The following TFR2 variants were observed in gnomAD, a reference collection of about 807,000 sequenced individuals.
TFR2 encodes the protein transferrin receptor 2, also known as transferrin receptor protein 2.
A neutral mutation model predicts 91.9 loss-of-function variants in TFR2; 64 were observed. The ratio of observed to expected loss-of-function variants is 0.70; its 90% CI spans 0.57 to 0.86. TFR2 has a LOEUF of 0.86. TFR2 is among the 40% of genes least tolerant of loss of function. The pLI is 0.00. For missense variants in TFR2, 950 were observed against 1,080.5 expected (o/e 0.88, Z 1.69); for synonymous variants, 454 against 459.6 (o/e 0.99, Z 0.15).
intron 6 of TFR2, among the ~76,000 whole-genome samples, chr7:100,632,447 TCCCAG>T (rs1430265625): frequency 5.9e-5 from 9 of 151,812 alleles, no homozygotes; most frequent in African/African-American, 2.2e-4. Context: ...CCCAATTTGT[TCCCAG>T]CCAACATTTT....
intron 8 of TFR2, among the ~76,000 whole-genome samples, 187 bp from the exon 9 acceptor site, chr7:100,631,239 C>T (rs1413923434): frequency 6.6e-6 from 1 of 151,146 alleles, no homozygotes; most frequent in East Asian, 1.9e-4. Flanking sequence ...GGTGTGCAAT[C>T]CAGTGGGAAC....
intron 2 of TFR2, 27 bp from the exon 3 acceptor site, chr7:100,640,899 C>G (rs1483763787): frequency 1.9e-6 from 3 of 1,613,906 alleles, no homozygotes; most frequent in Non-Finnish European, 2.5e-6. Flanking sequence ...TGGGGATTCT[C>G]TTTATGCCCA....
chr7:100,639,637 T>C (rs547399965), intron 3 of TFR2, among the ~76,000 whole-genome samples: 12 of 151,172 alleles, frequency 7.9e-5, no homozygotes, highest in Non-Finnish European at 1.5e-4. Flanking sequence ...CATCTCCTAC[T>C]ATCTGTAGCT....
chr7:100,629,213 C>A, intron 10 of TFR2, 40 bp downstream of exon 10: 2 of 1,611,974 alleles, frequency 1.2e-6, no homozygotes, highest in Non-Finnish European at 1.7e-6. Flanking sequence ...ACAGGCCCAC[C>A]GCTGCCTAGC....
chr7:100,631,180 G>A (rs1490027512), intron 8 of TFR2, 128 bp from the exon 9 acceptor site: 3 of 1,120,528 alleles, frequency 2.7e-6, no homozygotes, highest in Non-Finnish European at 3.7e-6. Context: ...ACGCTGCCTG[G>A]GTAGGGCAGT....
chr7:100,626,669 A>G, intron 17 of TFR2, 94 bp downstream of exon 17: 1 of 1,508,446 alleles, frequency 6.6e-7, no homozygotes, highest in Non-Finnish European at 8.8e-7. Flanking sequence ...AGGCGGGGAG[A>G]GAGAGGAGCG....
chr7:100,628,384 C>A, intron 10 of TFR2, 78 bp from the exon 11 acceptor site: 1 of 1,371,510 alleles, frequency 7.3e-7, no homozygotes, highest in Non-Finnish European at 1.0e-6. Flanking sequence ...CTGTCCTGGT[C>A]CCCCAGGGTC....
intron 9 of TFR2, 54 bp from the exon 10 acceptor site, chr7:100,629,426 G>A (rs556009276): frequency 3.1e-6 from 5 of 1,609,876 alleles, no homozygotes; most frequent in Admixed American, 3.3e-5. Flanking sequence ...GCACCCTGGG[G>A]GCATCCTCCA....
intron 17 of TFR2, among the ~76,000 whole-genome samples, chr7:100,621,498 C>A (rs1022686708): frequency 6.6e-6 from 1 of 152,224 alleles, no homozygotes; most frequent in South Asian, 2.1e-4. Flanking sequence ...AAGTGATCCG[C>A]CCGCCTTGGC....
intron 6 of TFR2, chr7:100,632,759 T>TTTGG: frequency 3.6e-6 from 1 of 281,008 alleles, no homozygotes; most frequent in Non-Finnish European, 6.3e-6. Flanking sequence ...TTTTTTTTTT[T>TTTGG]AGTAGAGAGG....
intron 16 of TFR2, 72 bp from the exon 17 acceptor site, chr7:100,626,975 C>A: frequency 4.0e-6 from 6 of 1,492,626 alleles, no homozygotes; most frequent in Non-Finnish European, 3.6e-6. Flanking sequence ...GGACAAGGAC[C>A]CCCGCCTAGC....
intron 17 of TFR2, among the ~76,000 whole-genome samples, chr7:100,625,204 C>T (rs1021245594): frequency 4.0e-5 from 6 of 151,764 alleles, no homozygotes; most frequent in African/African-American, 1.2e-4. Flanking sequence ...GGATTACAGG[C>T]GTGTGCCACC....
At chr7:100,640,218 T>G (rs895246095) in intron 3 of TFR2, 1 of 163,372 alleles carries the variant, frequency 6.1e-6, no homozygotes, top group African/African-American at 2.4e-5. Flanking sequence ...TAACTGGGAC[T>G]ACAGGCACTC....
At chr7:100,640,939 C>T in intron 2 of TFR2, 37 bp downstream of exon 2, 2 of 1,613,592 alleles carry the variant, frequency 1.2e-6, no homozygotes, top group Non-Finnish European at 1.7e-6. Context: ...TCCCCCAGCC[C>T]AAGCCCTTCA....
At chr7:100,633,766 T>G in intron 3 of TFR2, 1 of 762,838 alleles carries the variant, frequency 1.3e-6, no homozygotes, top group Non-Finnish European at 1.9e-6. Flanking sequence ...TGGAGTGCAG[T>G]GGACCAATCT....
chr7:100,626,371 G>T, intron 17 of TFR2: 1 of 817,006 alleles, frequency 1.2e-6, no homozygotes, highest in Non-Finnish European at 1.5e-6. Flanking sequence ...TTAGCCTTCT[G>T]CACTTCCCAG....
At chr7:100,628,366 G>T in intron 10 of TFR2, 60 bp from the exon 11 acceptor site, 1 of 1,510,748 alleles carries the variant, frequency 6.6e-7, no homozygotes, top group Non-Finnish European at 9.2e-7. Flanking sequence ...CCCTCCCCTT[G>T]TCTTCTTCTG....
chr7:100,630,850 C>T (rs1283592460), intron 9 of TFR2, 39 bp downstream of exon 9: 3 of 1,611,258 alleles, frequency 1.9e-6, no homozygotes, highest in Admixed American at 1.7e-5. Context: ...TTCCCCCAGC[C>T]CACCACCAGC....
intron 3 of TFR2, 140 bp downstream of exon 3, chr7:100,640,545 CA>C (rs1281651250): frequency 4.3e-6 from 4 of 932,228 alleles, no homozygotes; most frequent in African/African-American, 3.3e-5. Context: ...GACCGCTGAA[CA>C]GGGGGGCCAG....
Sources: allele counts gnomAD v4.1 joint callset (sites outside exome capture counted in the v4.1 genomes callset), GRCh38; gene constraint gnomAD v4.1.1; transcripts MANE v1.5; gene names NCBI Gene and HGNC (gene_info 2026-07-23, HGNC 2026-07-21).